SEMA6D: variants seen among roughly 807,000 people sequenced by gnomAD.
SEMA6D encodes the protein semaphorin-6D.
SEMA6D carries 35 observed loss-of-function variants against 106.6 expected under a neutral mutation model. That is an observed-to-expected ratio of 0.33 (90% CI 0.25 to 0.44). SEMA6D has a LOEUF of 0.44. SEMA6D is among the 20% of genes least tolerant of loss of function. The pLI is 1.00. For synonymous variants in SEMA6D, 499 were observed against 487.7 expected (o/e 1.02, Z -0.31); for missense variants, 1,185 against 1,345.9 (o/e 0.88, Z 1.87).
At chr15:47,207,993 G>GCGCGCACACACACACACACA (rs1424944556) in intron 1 of SEMA6D, among the ~76,000 whole-genome samples, 12 of 89,452 alleles carry the variant, frequency 1.3e-4, no homozygotes, top group East Asian at 5.6e-4. Context: ...TGGCGCGCGC[G>GCGCGCACACACACACACACA]CACACACACA....
At chr15:47,613,479 A>G (rs1328630027) in intron 4 of SEMA6D, among the ~76,000 whole-genome samples, 1 of 152,202 alleles carries the variant, frequency 6.6e-6, no homozygotes, top group Admixed American at 6.5e-5. Flanking sequence ...ATGCACTCAT[A>G]ATACAAAAAT....
intron 1 of SEMA6D, among the ~76,000 whole-genome samples, chr15:47,754,125 C>G (rs1367209159): frequency 6.6e-6 from 1 of 152,170 alleles, no homozygotes; most frequent in African/African-American, 2.4e-5. Context: ...GATATGATGG[C>G]TCATGGCTGT....
intron 4 of SEMA6D, among the ~76,000 whole-genome samples, chr15:47,613,767 C>T (rs994389705): frequency 3.0e-4 from 45 of 152,066 alleles, no homozygotes; most frequent in Admixed American, 1.7e-3. Context: ...CATTCTCCTG[C>T]CTCAGCCTCT....
chr15:47,217,597 A>C (rs2030756614), intron 1 of SEMA6D, among the ~76,000 whole-genome samples: 1 of 118,166 alleles, frequency 8.5e-6, no homozygotes, highest in South Asian at 2.7e-4. Flanking sequence ...GTGTGTGTTT[A>C]ATCCTCTGGG....
chr15:47,637,528 T>C (rs1011671433), intron 4 of SEMA6D, among the ~76,000 whole-genome samples: 9 of 152,068 alleles, frequency 5.9e-5, no homozygotes, highest in African/African-American at 1.9e-4. Context: ...GCTCAGGAGA[T>C]TGGGGAACAT....
chr15:47,533,236 A>T (rs2045035504), intron 3 of SEMA6D, among the ~76,000 whole-genome samples: 1 of 152,186 alleles, frequency 6.6e-6, no homozygotes, highest in Non-Finnish European at 1.5e-5. Context: ...AAAATTTTCA[A>T]AAAGAAAGCA....
intron 1 of SEMA6D, among the ~76,000 whole-genome samples, chr15:47,297,406 G>A (rs1405709517): frequency 2.0e-5 from 3 of 151,994 alleles, no homozygotes; most frequent in Admixed American, 6.6e-5. Context: ...CATATAACCC[G>A]TTACTTTTTT....
In SEMA6D at chr15:47,641,931, AGT is replaced by A. The variant is rs1340023449; in HGVS notation, c.-55+41042_-55+41043del. 4.6e-5 allele frequency among the ~76,000 whole-genome samples: 7 copies of A among 152,294 alleles called. No individual in the cohort carries two copies. In the South Asian group the frequency reaches 8.3e-4, roughly 18 times the overall value. On this transcript the variant is annotated intron_variant, in intron 4 of 19. Coordinates refer to the SEMA6D transcript ENST00000558014. Reference sequence around the variant, plus strand: ...CTCTGGATGTGCCCTGTTGTAGCACAGTGTGTGTACTGTGCTTCACTTGGTTG... The same window carrying A: ...CTCTGGATGTGCCCTGTTGTAGCACAGTGTGTACTGTGCTTCACTTGGTTG...
At chr15:47,227,447 T>TTTCTTTCTTTC (rs368650431) in intron 1 of SEMA6D, among the ~76,000 whole-genome samples, 5 of 58,390 alleles carry the variant, frequency 8.6e-5, no homozygotes, top group African/African-American at 3.3e-4. Flanking sequence ...CTTTTCTTTC[T>TTTCTTTCTTTC]TTTCTTTCTT....
At chr15:47,344,509 G>A (rs908684891) in intron 1 of SEMA6D, among the ~76,000 whole-genome samples, 5 of 152,146 alleles carry the variant, frequency 3.3e-5, no homozygotes, top group Non-Finnish European at 7.4e-5. Context: ...CCACTATGCA[G>A]GGAGGGAGAC....
At position 47,463,574 on chromosome 15, in the gene SEMA6D, G is replaced by C. The variant is rs116756768; in HGVS notation, c.-158-6900G>C. On this transcript the variant is annotated intron_variant, in intron 2 of 19. Transcript: ENST00000558014. ...CGTCATGGTAGGCCTAAGAGTTGTA[G>C]AGTGTGTTGATAGTATGTCGGGGGA... Among the ~76,000 whole-genome samples, 860 of 152,294 alleles carry C rather than the reference G, an allele frequency of 5.6e-3. 7 individuals are homozygous for C. Among genetic ancestry groups the C allele is most frequent in the African/African-American group, 0.02 (823 of 41,590 alleles).
intron 4 of SEMA6D, among the ~76,000 whole-genome samples, chr15:47,696,185 C>T (rs2078695273): frequency 6.6e-6 from 1 of 152,106 alleles, no homozygotes; most frequent in African/African-American, 2.4e-5. Context: ...GACTGAAAAA[C>T]TCGTTTTCAA....
intron 1 of SEMA6D, among the ~76,000 whole-genome samples, chr15:47,723,346 C>T (rs2079535042): frequency 6.6e-6 from 1 of 152,156 alleles, no homozygotes; most frequent in Admixed American, 6.5e-5. Context: ...TCCAAGATTA[C>T]AGTGGCATAG....
At chr15:47,581,708 A>G (rs948422510) in intron 3 of SEMA6D, among the ~76,000 whole-genome samples, 1 of 152,230 alleles carries the variant, frequency 6.6e-6, no homozygotes, top group Non-Finnish European at 1.5e-5. Flanking sequence ...GTTTCAACTC[A>G]TGTAGACATA....
At chr15:47,621,650 C>T (rs1260509196) in intron 4 of SEMA6D, among the ~76,000 whole-genome samples, 1 of 152,120 alleles carries the variant, frequency 6.6e-6, no homozygotes, top group African/African-American at 2.4e-5. Flanking sequence ...TGGTAAAGGT[C>T]TTCCTCCACA....
intron 3 of SEMA6D, among the ~76,000 whole-genome samples, chr15:47,585,557 G>C (rs1183015748): frequency 6.6e-5 from 10 of 152,164 alleles, no homozygotes; most frequent in Admixed American, 6.5e-4. Flanking sequence ...ATAAGAGAAA[G>C]ACAGGCCACC....
intron 1 of SEMA6D, among the ~76,000 whole-genome samples, chr15:47,236,854 A>G (rs1281983530): frequency 6.6e-6 from 1 of 152,182 alleles, no homozygotes; most frequent in South Asian, 2.1e-4. Flanking sequence ...GATTCAAGAT[A>G]TAGTTCAAAT....
intron 1 of SEMA6D, among the ~76,000 whole-genome samples, chr15:47,407,191 G>C (rs867157736): frequency 5.3e-5 from 8 of 151,682 alleles, no homozygotes; most frequent in African/African-American, 1.9e-4. Context: ...GTGAAACCAT[G>C]TCTCTACTGA....
chr15:47,765,813 G>A, intron 13 of SEMA6D, 56 bp from the exon 14 acceptor site: 1 of 1,424,972 alleles, frequency 7.0e-7, no homozygotes, highest in South Asian at 1.9e-5. Context: ...AATTGCTAAA[G>A]CAAACCACAC....
Sources: allele counts gnomAD v4.1 joint callset (sites outside exome capture counted in the v4.1 genomes callset), GRCh38; gene constraint gnomAD v4.1.1; transcripts MANE v1.5; gene names NCBI Gene and HGNC (gene_info 2026-07-23, HGNC 2026-07-21).